SLC25A10: variants seen among roughly 807,000 people sequenced by gnomAD.
SLC25A10 encodes the protein solute carrier family 25 member 10.
A neutral mutation model predicts 40.4 loss-of-function variants in SLC25A10; 32 were observed. That is an observed-to-expected ratio of 0.79 (90% CI 0.60 to 1.06). The LOEUF is 1.06. Among genes scored for constraint, SLC25A10 ranks in the 50% least tolerant of loss-of-function variants. The pLI, the probability that SLC25A10 is intolerant of heterozygous loss-of-function variation, is 0.00. For missense variants in SLC25A10, 394 were observed against 402.6 expected, an observed-to-expected ratio of 0.98 and a Z score of 0.18; for synonymous variants, 181 against 171.1, an observed-to-expected ratio of 1.06 and a Z score of -0.45.
At position 81,712,533 on chromosome 17, in the gene SLC25A10, C is replaced by T; in HGVS notation, c.93+14C>T. ...GACCTGCTCAAGGTGAGGCCGGGGC[C>T]CGGGACGCGGGGCGGATGGGACCCT... On this transcript the variant is annotated intron_variant, in intron 1 of 10. Coordinates refer to ENST00000350690, the MANE Select transcript of SLC25A10 (RefSeq NM_012140.5). 1.6e-6 allele frequency: 2 copies of T among 1,234,840 alleles called. No homozygotes were observed. Among genetic ancestry groups the T allele is most frequent in the South Asian group, 3.3e-5 (1 of 30,104 alleles). 76.5% of individuals were successfully genotyped at this position (1,234,840 alleles called of 1,614,324 possible).
rs201577202 is a variant in SLC25A10, at chr17:81,717,501, C to T, written c.627+10C>T. On this transcript the variant is annotated intron_variant, in intron 8 of 10. Coordinates refer to ENST00000350690, the MANE Select transcript of SLC25A10 (RefSeq NM_012140.5). ...CGCCAGCTTTATTGCAGTAAGTGGCCGGCATGGCTAGGGTGGGCGTCCCTG... is the reference window on the plus strand; with the variant it reads ...CGCCAGCTTTATTGCAGTAAGTGGCTGGCATGGCTAGGGTGGGCGTCCCTG... The T allele has an allele frequency of 9.2e-5, 148 of 1,613,256 alleles. 1 individual carries two copies. The African/African-American group carries it at 1.4e-3, about 15-fold the overall frequency.
At chr17:81,714,739 C>T (rs771711480) in intron 1 of SLC25A10, among the ~76,000 whole-genome samples, 3 of 152,212 alleles carry the variant, frequency 2.0e-5, no homozygotes, top group Non-Finnish European at 4.4e-5. Context: ...GGGGCGCTCG[C>T]GGGGCTCGCG....
At chr17:81,717,611 G>T in intron 8 of SLC25A10, 120 bp downstream of exon 8, 1 of 1,330,474 alleles carries the variant, frequency 7.5e-7, no homozygotes. Flanking sequence ...GTGCCCCCTG[G>T]GGCTCATAAG....
rs1296304159 is a variant in SLC25A10 at position 81,717,650 on chromosome 17, G to A, written c.628-134G>A. On this transcript the variant is annotated intron_variant, in intron 8 of 10. Coordinates refer to ENST00000350690, the MANE Select transcript of SLC25A10 (RefSeq NM_012140.5). ...GGTGCCAGGGCTTTGGGAGCTCATG[G>A]GTCAGCCTGGTGCCCCCGCCAGCAT... is the stretch of plus-strand genomic sequence containing the variant. 10 of 1,285,702 alleles carry A rather than the reference G, an allele frequency of 7.8e-6. No homozygotes were observed. In the African/African-American group the frequency reaches 1.3e-4, roughly 17 times the overall value. The allele number at this position is 1,285,702 out of a possible 1,614,324, so 79.6% of individuals were successfully genotyped here.
intron 9 of SLC25A10, 42 bp downstream of exon 9, chr17:81,717,903 G>A (rs1205513638): frequency 1.3e-5 from 19 of 1,483,052 alleles, no homozygotes; most frequent in Non-Finnish European, 1.7e-5. Context: ...GCACAGCCCA[G>A]CGAGTCCCCT....
intron 9 of SLC25A10, among the ~76,000 whole-genome samples, chr17:81,718,813 G>C (rs934641739): frequency 1.3e-5 from 2 of 150,226 alleles, no homozygotes; most frequent in Non-Finnish European, 1.5e-5. Context: ...GCTGGGCCTG[G>C]TGGCGCACGC....
In SLC25A10 at chr17:81,719,979, C is replaced by T; in HGVS notation, c.766C>T (p.Leu256Phe). Residue 256 changes from leucine (L) to phenylalanine (F), a missense_variant, in exon 11 of 11, where the codon CTC (leucine) becomes TTC (phenylalanine). Coordinates refer to ENST00000350690, the MANE Select transcript of SLC25A10 (RefSeq NM_012140.5). ...KLGPLAFYKG[L>F]VPAGIRLIPH... Reference sequence around the variant, plus strand: ...CATTTTCCCTGTCTCCCTCCAGGGCCTCGTCCCAGCTGGCATCCGCCTCAT... The same window carrying T: ...CATTTTCCCTGTCTCCCTCCAGGGCTTCGTCCCAGCTGGCATCCGCCTCAT... 1 of 1,613,870 alleles carries T rather than the reference C, an allele frequency of 6.2e-7. No individual in the cohort carries two copies. Among genetic ancestry groups the T allele is most frequent in the Non-Finnish European group, 8.5e-7 (1 of 1,180,040 alleles).
intron 1 of SLC25A10, 56 bp from the exon 2 acceptor site, chr17:81,714,897 A>T: frequency 1.3e-6 from 2 of 1,592,290 alleles, no homozygotes. Flanking sequence ...CTCTGGATGA[A>T]CCTGGCACCG....
intron 2 of SLC25A10, 28 bp from the exon 3 acceptor site, chr17:81,715,450 C>A: frequency 1.3e-6 from 2 of 1,581,234 alleles, no homozygotes; most frequent in South Asian, 1.1e-5. Flanking sequence ...GCGTGCCCGT[C>A]CCTCCAAGCC....
At chr17:81,715,441 C>T (rs776967638) in intron 2 of SLC25A10, 37 bp from the exon 3 acceptor site, 13 of 1,550,920 alleles carry the variant, frequency 8.4e-6, no homozygotes, top group East Asian at 4.5e-5. Context: ...GGGTGTGGGG[C>T]GTGCCCGTCC....
chr17:81,714,083 C>T (rs539655234), intron 1 of SLC25A10, among the ~76,000 whole-genome samples: 3 of 152,334 alleles, frequency 2.0e-5, no homozygotes, highest in Admixed American at 1.3e-4. Flanking sequence ...CTGCTGGGCT[C>T]GCACAATGGG....
chr17:81,714,834 C>T (rs920924795), intron 1 of SLC25A10, 119 bp from the exon 2 acceptor site: 2 of 1,402,010 alleles, frequency 1.4e-6, no homozygotes, highest in Admixed American at 2.0e-5. Flanking sequence ...TGTGGAGTCC[C>T]CGGGCAGGGC....
rs1352457035 is a variant in SLC25A10 at position 81,720,288 on chromosome 17, C to G, written c.*211C>G. 2.1e-6 allele frequency: 3 copies of G among 1,436,648 alleles called. No individual in the cohort carries two copies. The East Asian group carries it at 7.5e-5, about 36-fold the overall frequency. The allele number at this position is 1,436,648 out of a possible 1,614,324, so 89.0% of individuals were successfully genotyped here. On this transcript the variant is annotated 3_prime_UTR_variant, in exon 11 of 11. Coordinates refer to ENST00000350690, the MANE Select transcript of SLC25A10 (RefSeq NM_012140.5). Reference sequence around the variant, plus strand: ...AGCTGCACCACCCCCGCTCTGGCTACCAGGCTCTCCCGGCTGGGCACTGCG... The same window carrying G: ...AGCTGCACCACCCCCGCTCTGGCTAGCAGGCTCTCCCGGCTGGGCACTGCG...
intron 1 of SLC25A10, among the ~76,000 whole-genome samples, chr17:81,714,254 T>G (rs1033007537): frequency 5.3e-5 from 8 of 152,202 alleles, no homozygotes; most frequent in Non-Finnish European, 7.3e-5. Context: ...GGCCTTCCTG[T>G]CTGGCCCTGG....
chr17:81,718,994 T>G (rs1016565897), intron 9 of SLC25A10, among the ~76,000 whole-genome samples: 1 of 151,550 alleles, frequency 6.6e-6, no homozygotes, highest in African/African-American at 2.4e-5. Context: ...TCTTTCTTTT[T>G]TTTTTCCCCT....
chr17:81,719,725 T>G, intron 9 of SLC25A10, 106 bp from the exon 10 acceptor site: 143 of 1,322,824 alleles, frequency 1.1e-4, no homozygotes, highest in Non-Finnish European at 1.4e-4. Flanking sequence ...ACACCCCACA[T>G]TGAGAATGCC....
intron 8 of SLC25A10, 65 bp downstream of exon 8, chr17:81,717,556 G>A (rs989009012): frequency 6.4e-7 from 1 of 1,566,902 alleles, no homozygotes. Context: ...GGGCACCCAG[G>A]ATGGGGCGAG....
chr17:81,719,772 T>A, intron 9 of SLC25A10, 59 bp from the exon 10 acceptor site: 4 of 1,602,236 alleles, frequency 2.5e-6, no homozygotes, highest in Non-Finnish European at 3.4e-6. Flanking sequence ...GGGAGGGGAT[T>A]TTCGTTGCCT....
intron 8 of SLC25A10, 101 bp downstream of exon 8, chr17:81,717,592 C>T (rs2037513305): frequency 1.4e-6 from 2 of 1,425,020 alleles, no homozygotes; most frequent in Non-Finnish European, 9.9e-7. Flanking sequence ...GGGCCTTGGG[C>T]ATCTGGCAGT....
Sources: allele counts gnomAD v4.1 joint callset (sites outside exome capture counted in the v4.1 genomes callset), GRCh38; gene constraint gnomAD v4.1.1; transcripts MANE v1.5; gene names NCBI Gene and HGNC (gene_info 2026-07-23, HGNC 2026-07-21).